Variants in CPVL observed in about 807,000 individuals in gnomAD.
CPVL encodes probable serine carboxypeptidase CPVL.
A neutral mutation model predicts 63.7 loss-of-function variants in CPVL; 51 were observed. That is an observed-to-expected ratio of 0.80 (90% CI 0.64 to 1.01). The LOEUF is 1.01. Among genes scored for constraint, CPVL ranks in the 50% least tolerant of loss-of-function variants. The pLI is 0.00. For synonymous variants in CPVL, 195 were observed against 206.0 expected, an observed-to-expected ratio of 0.95 and a Z score of 0.46; for missense variants, 530 against 573.1, an observed-to-expected ratio of 0.92 and a Z score of 0.77.
chr7:29,006,102 T>C (rs915535323), intron 12 of CPVL, among the ~76,000 whole-genome samples: 3 of 152,216 alleles, frequency 2.0e-5, no homozygotes, highest in African/African-American at 7.2e-5. Context: ...CTAGCAGCAG[T>C]GTGTGGGCAC....
chr7:29,145,162 C>G (rs1189086303), intron 1 of CPVL, among the ~76,000 whole-genome samples: 2 of 151,762 alleles, frequency 1.3e-5, no homozygotes, highest in Non-Finnish European at 2.9e-5. Flanking sequence ...CTCCAATTCT[C>G]CTTTTGGACA....
At chr7:29,117,535 T>C (rs1788895670) in intron 2 of CPVL, among the ~76,000 whole-genome samples, 2 of 152,226 alleles carry the variant, frequency 1.3e-5, no homozygotes, top group Non-Finnish European at 2.9e-5. Flanking sequence ...GTTCATATCA[T>C]GGGCTCTGGG....
intron 1 of CPVL, among the ~76,000 whole-genome samples, chr7:29,144,337 G>T (rs1295729099): frequency 6.7e-6 from 1 of 149,136 alleles, no homozygotes; most frequent in Non-Finnish European, 1.5e-5. Context: ...GAGGTGGGAG[G>T]ATCACTTGAG....
In CPVL at chr7:29,067,768, G is replaced by T. The variant is rs1451818300; in HGVS notation, c.865-1647C>A. Among the ~76,000 whole-genome samples the T allele has an allele frequency of 5.3e-5, 8 of 152,188 alleles. No homozygotes were observed. In the South Asian group the frequency reaches 1.2e-3, roughly 24 times the overall value. On this transcript the variant is annotated intron_variant, in intron 9 of 12. Transcript: ENST00000265394. The stretch of plus-strand genomic sequence containing the variant: ...AAATTTAGGTCTCTTATCAGATAAG[G>T]TATTATTATTCTAATTTTATGGGTG...
chr7:29,008,589 A>T (rs1785454914), intron 12 of CPVL, among the ~76,000 whole-genome samples: 1 of 152,188 alleles, frequency 6.6e-6, no homozygotes, highest in South Asian at 2.1e-4. Flanking sequence ...TGTTTCTTTT[A>T]ATGTCCACAA....
intron 1 of CPVL, among the ~76,000 whole-genome samples, chr7:29,140,719 C>T (rs13238274): frequency 0.12 from 18,174 of 152,152 alleles, 1,147 homozygotes; most frequent in Non-Finnish European, 0.14. Context: ...CTCCAGGCTA[C>T]ACATTCTATC....
At chr7:29,137,418 G>A (rs1157049909) in intron 1 of CPVL, among the ~76,000 whole-genome samples, 1 of 152,140 alleles carries the variant, frequency 6.6e-6, no homozygotes, top group Non-Finnish European at 1.5e-5. Context: ...CAGGGAAGCT[G>A]GCCACCTCAC....
In CPVL at chr7:29,134,816, C is replaced by T. The variant is rs143109571; in HGVS notation, c.-11+11613G>A. On this transcript the variant is annotated intron_variant, in intron 1 of 12. Transcript: ENST00000265394. Reference sequence around the variant, plus strand: ...CCAGAAAAAGATGGCAGATAAAATTCAGGGGAGATCAGGTGGCTCATACCT... The same window carrying T: ...CCAGAAAAAGATGGCAGATAAAATTTAGGGGAGATCAGGTGGCTCATACCT... Among the ~76,000 whole-genome samples, 237 of 152,106 alleles carry T rather than the reference C, an allele frequency of 1.6e-3. 1 individual carries two copies. The highest frequency in any genetic ancestry group is 2.3e-3 in the Admixed American group (35 of 15,270).
intron 6 of CPVL, among the ~76,000 whole-genome samples, chr7:29,090,959 T>C (rs1785711196): frequency 6.6e-6 from 1 of 152,158 alleles, no homozygotes; most frequent in African/African-American, 2.4e-5. Flanking sequence ...TTTGCAGGTT[T>C]TGAAGCGACC....
intron 3 of CPVL, among the ~76,000 whole-genome samples, chr7:29,099,415 A>G (rs1786830612): frequency 6.6e-6 from 1 of 152,188 alleles, no homozygotes; most frequent in South Asian, 2.1e-4. Flanking sequence ...GTTTTGTTTT[A>G]TAAGTCAAAG....
intron 12 of CPVL, among the ~76,000 whole-genome samples, chr7:29,016,478 G>C (rs572898118): frequency 6.6e-6 from 1 of 152,156 alleles, no homozygotes; most frequent in Admixed American, 6.5e-5. Context: ...CAATTGGTGA[G>C]GGCTTTCCAG....
chr7:28,998,149 A>G (rs889353249), intron 12 of CPVL, among the ~76,000 whole-genome samples: 3 of 152,370 alleles, frequency 2.0e-5, no homozygotes, highest in African/African-American at 7.2e-5. Context: ...TTCTTCCTGC[A>G]GATTTTCATC....
intron 12 of CPVL, among the ~76,000 whole-genome samples, chr7:29,025,523 C>T (rs1017981192): frequency 6.6e-6 from 1 of 152,154 alleles, no homozygotes; most frequent in Non-Finnish European, 1.5e-5. Flanking sequence ...CAGACCCCAT[C>T]TCCAATATTG....
At chr7:29,141,839 C>T (rs972833100) in intron 1 of CPVL, among the ~76,000 whole-genome samples, 1 of 151,816 alleles carries the variant, frequency 6.6e-6, no homozygotes, top group Non-Finnish European at 1.5e-5. Flanking sequence ...CACTTGAACC[C>T]AGGAGGCAGA....
At chr7:29,084,077 C>T (rs1454514269) in intron 7 of CPVL, among the ~76,000 whole-genome samples, 1 of 152,110 alleles carries the variant, frequency 6.6e-6, no homozygotes, top group African/African-American at 2.4e-5. Flanking sequence ...TGTCCAGTGC[C>T]TCAAACATAG....
intron 11 of CPVL, among the ~76,000 whole-genome samples, chr7:29,058,126 G>C (rs1435661856): frequency 1.3e-5 from 2 of 152,092 alleles, no homozygotes; most frequent in African/African-American, 4.8e-5. Context: ...CTGACATCTT[G>C]ACAATATTGA....
intron 3 of CPVL, among the ~76,000 whole-genome samples, chr7:29,104,517 T>G (rs2128622099): frequency 6.6e-6 from 1 of 152,310 alleles, no homozygotes; most frequent in South Asian, 2.1e-4. Flanking sequence ...TGCTTTGGCC[T>G]CCCAACGTAC....
At chr7:29,046,677 G>C (rs1789653987) in intron 11 of CPVL, among the ~76,000 whole-genome samples, 2 of 151,950 alleles carry the variant, frequency 1.3e-5, no homozygotes, top group South Asian at 2.1e-4. Flanking sequence ...AGAGAAAAGG[G>C]GGTTGAAAAC....
intron 11 of CPVL, among the ~76,000 whole-genome samples, chr7:29,062,168 T>C (rs1307422461): frequency 1.3e-5 from 2 of 152,204 alleles, no homozygotes; most frequent in Non-Finnish European, 2.9e-5. Flanking sequence ...TTTATAGATA[T>C]ATTTTTGATA....
Sources: allele counts gnomAD v4.1 joint callset (sites outside exome capture counted in the v4.1 genomes callset), GRCh38; gene constraint gnomAD v4.1.1; transcripts MANE v1.5; gene names NCBI Gene and HGNC (gene_info 2026-07-23, HGNC 2026-07-21).